The following NELL1 variants were observed in gnomAD, a reference collection of about 807,000 sequenced individuals.
The protein encoded by NELL1 is protein kinase C-binding protein NELL1.
NELL1 carries 76 observed loss-of-function variants against 107.4 expected under a neutral mutation model. The ratio of observed to expected loss-of-function variants is 0.71; its 90% CI spans 0.59 to 0.86. The LOEUF (loss-of-function observed/expected upper bound fraction) is 0.86, where lower values mean the gene tolerates loss of function less well. NELL1 is among the 40% of genes least tolerant of loss of function. The pLI, the probability that NELL1 is intolerant of heterozygous loss-of-function variation, is 0.00. For missense variants in NELL1, 1,024 were observed against 1,005.5 expected (o/e 1.02, Z -0.25); for synonymous variants, 353 against 341.2 (o/e 1.03, Z -0.38).
At position 20,708,050 on chromosome 11, in the gene NELL1, C is replaced by T. The variant is rs549720107; in HGVS notation, c.184+29990C>T. Among the ~76,000 whole-genome samples the T allele has an allele frequency of 7.2e-5, 11 of 152,342 alleles. No homozygotes were observed. In the South Asian group the frequency reaches 1.7e-3, roughly 23 times the overall value. ...CTACTTAAGCCTCAGCAATGGTGAGCGCCCCTCTCCCAGCCTCGCTGCTGC... is the reference window on the plus strand; with the variant it reads ...CTACTTAAGCCTCAGCAATGGTGAGTGCCCCTCTCCCAGCCTCGCTGCTGC... On this transcript the variant is annotated intron_variant, in intron 2 of 19. Coordinates refer to ENST00000357134, the MANE Select transcript of NELL1 (RefSeq NM_006157.5).
intron 5 of NELL1, among the ~76,000 whole-genome samples, chr11:20,897,254 T>C (rs1849761718): frequency 6.6e-6 from 1 of 152,008 alleles, no homozygotes; most frequent in South Asian, 2.1e-4. Flanking sequence ...TCAGAAATAA[T>C]GCCACATATC....
chr11:20,719,737 C>T (rs1340013659), intron 2 of NELL1, among the ~76,000 whole-genome samples: 1 of 152,160 alleles, frequency 6.6e-6, no homozygotes, highest in Non-Finnish European at 1.5e-5. Flanking sequence ...ATCATTGACT[C>T]TTTTAGTCTA....
At chr11:21,323,843 C>T (rs965527194) in intron 14 of NELL1, among the ~76,000 whole-genome samples, 1 of 152,096 alleles carries the variant, frequency 6.6e-6, no homozygotes, top group Non-Finnish European at 1.5e-5. Context: ...TACTGTACCC[C>T]AGAAGGCATA....
At chr11:20,700,971 G>C (rs942651704) in intron 2 of NELL1, among the ~76,000 whole-genome samples, 3 of 152,112 alleles carry the variant, frequency 2.0e-5, no homozygotes, top group African/African-American at 4.8e-5. Context: ...ATAAACATAC[G>C]TGTGCATGTG....
intron 5 of NELL1, among the ~76,000 whole-genome samples, chr11:20,914,023 G>T (rs1850191883): frequency 6.6e-6 from 1 of 152,138 alleles, no homozygotes; most frequent in Non-Finnish European, 1.5e-5. Flanking sequence ...AGACCTCTTT[G>T]TAGCAACATG....
At chr11:21,279,143 A>G (rs1848936502) in intron 14 of NELL1, among the ~76,000 whole-genome samples, 1 of 152,208 alleles carries the variant, frequency 6.6e-6, no homozygotes, top group Admixed American at 6.5e-5. Flanking sequence ...AATGGATCAT[A>G]AATGGTAATG....
chr11:21,051,806 A>G (rs1853499930), intron 12 of NELL1, among the ~76,000 whole-genome samples: 1 of 152,060 alleles, frequency 6.6e-6, no homozygotes, highest in Non-Finnish European at 1.5e-5. Flanking sequence ...CCTACAATGC[A>G]TCAGGCATGG....
At chr11:20,707,391 A>T (rs1590222072) in intron 2 of NELL1, among the ~76,000 whole-genome samples, 3 of 152,198 alleles carry the variant, frequency 2.0e-5, no homozygotes. Flanking sequence ...TTATCTGCTC[A>T]GCTTTGTTCC....
intron 12 of NELL1, among the ~76,000 whole-genome samples, chr11:21,051,906 T>A (rs1256928057): frequency 1.3e-5 from 2 of 151,824 alleles, no homozygotes; most frequent in African/African-American, 4.8e-5. Context: ...CAAGAGTAAA[T>A]AGAAAATAAA....
chr11:21,297,300 A>G (rs1849395874), intron 14 of NELL1, among the ~76,000 whole-genome samples: 1 of 152,064 alleles, frequency 6.6e-6, no homozygotes, highest in African/African-American at 2.4e-5. Flanking sequence ...ATGTTTAACT[A>G]CTTAAGGCTG....
intron 13 of NELL1, among the ~76,000 whole-genome samples, chr11:21,137,669 G>C (rs1029078271): frequency 1.1e-4 from 17 of 152,204 alleles, no homozygotes; most frequent in Non-Finnish European, 2.4e-4. Flanking sequence ...ATACTTGAAG[G>C]CTAGATGGGA....
At chr11:21,223,332 T>A (rs894777760) in intron 13 of NELL1, among the ~76,000 whole-genome samples, 2 of 151,106 alleles carry the variant, frequency 1.3e-5, no homozygotes, top group African/African-American at 2.5e-5. Flanking sequence ...TTTGTCTTTC[T>A]TTTTTCTTTT....
At chr11:20,700,923 G>A (rs767966219) in intron 2 of NELL1, among the ~76,000 whole-genome samples, 2 of 152,110 alleles carry the variant, frequency 1.3e-5, no homozygotes, top group Non-Finnish European at 2.9e-5. Context: ...GGACATTTGG[G>A]TCAGTTCCAA....
intron 5 of NELL1, among the ~76,000 whole-genome samples, chr11:20,894,766 G>A (rs1849689296): frequency 6.6e-6 from 1 of 152,044 alleles, no homozygotes; most frequent in African/African-American, 2.4e-5. Context: ...GAATACTCTA[G>A]GTACCTAATG....
At chr11:20,692,082 G>T (rs1298858374) in intron 2 of NELL1, among the ~76,000 whole-genome samples, 1 of 151,564 alleles carries the variant, frequency 6.6e-6, no homozygotes, top group Non-Finnish European at 1.5e-5. Context: ...AGAGGTGTTT[G>T]TAGTATTCTC....
chr11:21,263,400 A>C (rs1316924828), intron 14 of NELL1, among the ~76,000 whole-genome samples: 1 of 151,982 alleles, frequency 6.6e-6, no homozygotes, highest in Non-Finnish European at 1.5e-5. Flanking sequence ...CTGATTGTCA[A>C]TTTAAGTATT....
intron 12 of NELL1, among the ~76,000 whole-genome samples, chr11:21,053,363 A>G (rs568979591): frequency 6.6e-6 from 1 of 152,230 alleles, no homozygotes; most frequent in African/African-American, 2.4e-5. Context: ...AAGTGAGAAC[A>G]TGCGGTGTTT....
chr11:20,723,801 C>T (rs928797759), intron 2 of NELL1, among the ~76,000 whole-genome samples: 1 of 152,190 alleles, frequency 6.6e-6, no homozygotes, highest in Non-Finnish European at 1.5e-5. Context: ...GAGGGCTCTG[C>T]CCCTGCAGTA....
At chr11:21,132,759 G>T (rs1018517314) in intron 13 of NELL1, among the ~76,000 whole-genome samples, 10 of 151,870 alleles carry the variant, frequency 6.6e-5, no homozygotes, top group African/African-American at 2.2e-4. Context: ...TTTCCTTCTT[G>T]ACATGGTGAG....
Sources: gnomAD v4.1 joint callset for allele counts (sites outside exome capture counted in the v4.1 genomes callset) on GRCh38, gnomAD v4.1.1 for gene constraint, MANE v1.5 for transcripts, NCBI Gene and HGNC (gene_info 2026-07-23, HGNC 2026-07-21) for gene names.